DTNB: variants seen among roughly 807,000 people sequenced by gnomAD.
The protein encoded by DTNB is dystrobrevin beta.
Under a neutral mutation model 90.7 loss-of-function variants are expected in DTNB, and 63 were observed. That is an observed-to-expected ratio of 0.69 (90% CI 0.57 to 0.86). The LOEUF is 0.86. Among genes scored for constraint, DTNB ranks in the 40% least tolerant of loss-of-function variants. The pLI is 0.00. For missense variants in DTNB, 744 were observed against 807.1 expected (o/e 0.92, Z 0.95); for synonymous variants, 277 against 286.7 (o/e 0.97, Z 0.34).
Position 25,383,597 on chromosome 2 carries a change from T to A in DTNB, c.1879+239A>T, listed in dbSNP as rs578220829. The A allele has an allele frequency of 7.8e-5, 58 of 740,496 alleles. 1 individual carries two copies. The South Asian group carries it at 8.0e-4, about 10-fold the overall frequency. 45.9% of individuals were successfully genotyped at this position (740,496 alleles called of 1,614,324 possible). A position where few individuals can be genotyped will look rare whatever the true frequency, so the allele number is the denominator to read the frequency against. ...TTGTGTTCTACTTGTATCTACTTCC[T>A]GTATCCCAACTACCTATCCCAGGAT... On this transcript the variant is annotated intron_variant, in intron 19 of 20. Coordinates refer to ENST00000406818, the MANE Select transcript of DTNB (RefSeq NM_021907.5).
chr2:25,492,047 C>T (rs1507705), intron 9 of DTNB, among the ~76,000 whole-genome samples: 44,544 of 151,754 alleles, frequency 0.29, 7,996 homozygotes, highest in East Asian at 0.57. Context: ...CTATCTTTCA[C>T]GGCTGCACTT....
intron 9 of DTNB, among the ~76,000 whole-genome samples, chr2:25,484,698 T>C (rs1046844871): frequency 6.6e-6 from 1 of 152,236 alleles, no homozygotes; most frequent in East Asian, 1.9e-4. Context: ...CTATGCTTAT[T>C]GTTCTACATT....
At chr2:25,619,926 G>C (rs889286936) in intron 4 of DTNB, among the ~76,000 whole-genome samples, 1 of 152,094 alleles carries the variant, frequency 6.6e-6, no homozygotes, top group Non-Finnish European at 1.5e-5. Flanking sequence ...TGTAATCCCA[G>C]CTACTCAGGA....
chr2:25,603,040 T>C (rs1195935632), intron 5 of DTNB, among the ~76,000 whole-genome samples: 1 of 152,214 alleles, frequency 6.6e-6, no homozygotes, highest in African/African-American at 2.4e-5. Context: ...TGAATATGAA[T>C]CTTTTTAAAG....
At chr2:25,576,696 A>C in intron 8 of DTNB, 142 bp downstream of exon 8, 1 of 1,063,028 alleles carries the variant, frequency 9.4e-7, no homozygotes, top group Non-Finnish European at 1.3e-6. Context: ...ACATTTTTGC[A>C]ATCCTGGCAT....
intron 2 of DTNB, among the ~76,000 whole-genome samples, chr2:25,650,508 T>A (rs2080655875): frequency 6.6e-6 from 1 of 152,142 alleles, no homozygotes; most frequent in East Asian, 1.9e-4. Context: ...GCCAATTCAG[T>A]ATTGCTGGGA....
At chr2:25,556,487 G>A (rs1263605401) in intron 8 of DTNB, among the ~76,000 whole-genome samples, 1 of 152,094 alleles carries the variant, frequency 6.6e-6, no homozygotes, top group Non-Finnish European at 1.5e-5. Context: ...ATTTAAAACT[G>A]GAACAAGTGG....
At chr2:25,520,957 G>A (rs906929793) in intron 9 of DTNB, among the ~76,000 whole-genome samples, 11 of 152,046 alleles carry the variant, frequency 7.2e-5, no homozygotes, top group African/African-American at 2.2e-4. Flanking sequence ...TGCAATGTGC[G>A]GAGAAAATTG....
intron 3 of DTNB, among the ~76,000 whole-genome samples, chr2:25,629,428 G>A (rs2148722895): frequency 6.6e-6 from 1 of 152,286 alleles, no homozygotes; most frequent in Non-Finnish European, 1.5e-5. Context: ...AAATATGTCA[G>A]TTAACTGCAG....
chr2:25,571,322 A>T (rs2059833702), intron 8 of DTNB, among the ~76,000 whole-genome samples: 1 of 152,162 alleles, frequency 6.6e-6, no homozygotes, highest in Non-Finnish European at 1.5e-5. Context: ...ATCTAGACTG[A>T]CCATTTAAAA....
chr2:25,585,125 G>A (rs922359931), intron 6 of DTNB, among the ~76,000 whole-genome samples: 3 of 151,980 alleles, frequency 2.0e-5, no homozygotes, highest in Admixed American at 6.5e-5. Flanking sequence ...ATTTTTAAGA[G>A]CTTAATATTA....
At chr2:25,518,391 C>T (rs1296999518) in intron 9 of DTNB, among the ~76,000 whole-genome samples, 1 of 152,124 alleles carries the variant, frequency 6.6e-6, no homozygotes, top group Non-Finnish European at 1.5e-5. Flanking sequence ...CCTCCTTGGA[C>T]TAAAGCTTGA....
intron 8 of DTNB, among the ~76,000 whole-genome samples, chr2:25,575,835 A>C (rs1024374772): frequency 2.0e-5 from 3 of 152,236 alleles, no homozygotes; most frequent in Admixed American, 6.5e-5. Flanking sequence ...TTTAAAACAA[A>C]GGCTGTAGCA....
chr2:25,530,124 C>A (rs948191735), intron 9 of DTNB, among the ~76,000 whole-genome samples: 1 of 152,008 alleles, frequency 6.6e-6, no homozygotes. Flanking sequence ...TTCATTACAC[C>A]ACAAAAGTAA....
In DTNB at chr2:25,377,252, TTTC is replaced by T. The variant is rs1046932976; in HGVS notation, c.*328_*330del. On this transcript the variant is annotated 3_prime_UTR_variant, in exon 21 of 21. Coordinates refer to ENST00000406818, the MANE Select transcript of DTNB (RefSeq NM_021907.5). ...ACAAACACACAAGAGCTTGGTGCTT[TTTC>T]TTTTCTCTTTTCAACCTCCAGGTGA... 15 of 152,892 alleles carry T rather than the reference TTTC, an allele frequency of 9.8e-5. No homozygotes were observed. The highest frequency in any genetic ancestry group is 8.5e-4 in the Admixed American group (13 of 15,288). The allele number at this position is 152,892 out of a possible 1,614,324, so 9.5% of individuals were successfully genotyped here. A position where few individuals can be genotyped will look rare whatever the true frequency, so the allele number is the denominator to read the frequency against.
chr2:25,454,644 ACCACTTT>A, intron 11 of DTNB, among the ~76,000 whole-genome samples: 1 of 152,266 alleles, frequency 6.6e-6, no homozygotes, highest in South Asian at 2.1e-4. Flanking sequence ...TGAAAGTAAT[ACCACTTT>A]TTTCGGTATT....
intron 8 of DTNB, among the ~76,000 whole-genome samples, chr2:25,552,755 G>A (rs568100058): frequency 3.3e-5 from 5 of 150,472 alleles, no homozygotes; most frequent in South Asian, 4.2e-4. Flanking sequence ...GGTGCCCTCC[G>A]TCTACCACTT....
intron 6 of DTNB, among the ~76,000 whole-genome samples, chr2:25,589,367 C>CTCTTTT (rs2063078912): frequency 3.6e-4 from 21 of 57,542 alleles, no homozygotes; most frequent in Middle Eastern, 0.015. Flanking sequence ...TTTTTCTTTT[C>CTCTTTT]TTTTTTTTTT....
chr2:25,636,337 AT>A (rs990872264), intron 3 of DTNB, among the ~76,000 whole-genome samples: 1 of 152,156 alleles, frequency 6.6e-6, no homozygotes, highest in African/African-American at 2.4e-5. Context: ...CAGTCTCAAA[AT>A]TTTTTTCAGA....
Sources: gnomAD v4.1 joint callset for allele counts (sites outside exome capture counted in the v4.1 genomes callset) on GRCh38, gnomAD v4.1.1 for gene constraint, MANE v1.5 for transcripts, NCBI Gene and HGNC (gene_info 2026-07-23, HGNC 2026-07-21) for gene names.